EYS: variants seen among roughly 807,000 people sequenced by gnomAD.
EYS encodes the protein EGF-like photoreceptor maintenance factor.
EYS carries 250 observed loss-of-function variants against 282.1 expected under a neutral mutation model. The ratio of observed to expected loss-of-function variants is 0.89; its 90% CI spans 0.80 to 0.98. The LOEUF is 0.98. Ranked by LOEUF, EYS falls within the 50% of genes least tolerant of loss-of-function variation. The pLI is 0.00. For missense variants in EYS, 4,016 were observed against 3,709.0 expected (o/e 1.08, Z -2.15); for synonymous variants, 1,355 against 1,282.9 (o/e 1.06, Z -1.20).
At chr6:63,846,856 A>T (rs892007566) in intron 36 of EYS, among the ~76,000 whole-genome samples, 1 of 152,204 alleles carries the variant, frequency 6.6e-6, no homozygotes. Flanking sequence ...AAAAAAATTT[A>T]AAATATATTA....
At chr6:64,854,347 AC>A (rs2150043944) in intron 19 of EYS, among the ~76,000 whole-genome samples, 1 of 152,178 alleles carries the variant, frequency 6.6e-6, no homozygotes, top group Admixed American at 6.5e-5. Flanking sequence ...CTTGGAACCA[AC>A]CCAAATGTCC....
At chr6:64,617,776 T>C (rs747889433) in intron 23 of EYS, among the ~76,000 whole-genome samples, 3 of 152,176 alleles carry the variant, frequency 2.0e-5, no homozygotes, top group Non-Finnish European at 4.4e-5. Flanking sequence ...CCTAGTTAAG[T>C]ATAAATGAAA....
chr6:65,406,901 C>A (rs1413478827), intron 5 of EYS, among the ~76,000 whole-genome samples: 1 of 152,010 alleles, frequency 6.6e-6, no homozygotes, highest in Non-Finnish European at 1.5e-5. Context: ...AGTCATTCAA[C>A]CTTTCCATCT....
intron 30 of EYS, among the ~76,000 whole-genome samples, chr6:64,253,050 A>G (rs1053544224): frequency 6.6e-6 from 1 of 152,142 alleles, no homozygotes; most frequent in African/African-American, 2.4e-5. Context: ...TTTGGACCTT[A>G]TTCTTTATGT....
intron 14 of EYS, among the ~76,000 whole-genome samples, chr6:64,996,514 A>C (rs547976111): frequency 6.6e-6 from 1 of 152,268 alleles, no homozygotes; most frequent in East Asian, 1.9e-4. Context: ...GTCCACTTCT[A>C]AAGGAATCCC....
chr6:64,582,692 A>C (rs1766112671), intron 26 of EYS, among the ~76,000 whole-genome samples: 1 of 152,024 alleles, frequency 6.6e-6, no homozygotes, highest in Admixed American at 6.6e-5. Context: ...TAGAATGCAC[A>C]AAAAAGTTTG....
Position 64,524,547 on chromosome 6 carries a change from G to T in EYS, c.5644+65676C>A, listed in dbSNP as rs1197476374. ...TTGGCATCTTTGTCATGAAATCTTTGTCTGTTCCTATGTCCAGAATAGTAT... is the reference window on the plus strand; with the variant it reads ...TTGGCATCTTTGTCATGAAATCTTTTTCTGTTCCTATGTCCAGAATAGTAT... On this transcript the variant is annotated intron_variant, in intron 26 of 42. Coordinates refer to ENST00000503581, the MANE Select transcript of EYS (RefSeq NM_001142800.2). Among the ~76,000 whole-genome samples, 3 of 151,772 alleles carry T rather than the reference G, an allele frequency of 2.0e-5. No homozygotes were observed. In the Admixed American group the frequency reaches 2.0e-4, roughly 10 times the overall value.
At chr6:65,341,267 A>T (rs1043005843) in intron 10 of EYS, among the ~76,000 whole-genome samples, 22 of 151,162 alleles carry the variant, frequency 1.5e-4, no homozygotes, top group African/African-American at 4.8e-4. Context: ...AAATTGATTG[A>T]TCTTTTGAAT....
intron 31 of EYS, among the ~76,000 whole-genome samples, chr6:64,135,953 C>G (rs922977190): frequency 6.6e-6 from 1 of 151,924 alleles, no homozygotes; most frequent in Admixed American, 6.6e-5. Context: ...AATTGACTTA[C>G]AAAAGATTCC....
chr6:65,017,541 A>C (rs998324183), intron 13 of EYS, among the ~76,000 whole-genome samples: 1 of 152,194 alleles, frequency 6.6e-6, no homozygotes, highest in Non-Finnish European at 1.5e-5. Context: ...GTGAGAGTCA[A>C]TAAAGCAGCC....
chr6:63,752,967 T>A (rs1452140719), intron 41 of EYS, among the ~76,000 whole-genome samples: 7 of 151,878 alleles, frequency 4.6e-5, no homozygotes, highest in African/African-American at 1.7e-4. Flanking sequence ...GCTAGTTTTA[T>A]GTGCAGTCGT....
intron 35 of EYS, among the ~76,000 whole-genome samples, chr6:63,945,670 T>A (rs1010054580): frequency 2.6e-5 from 4 of 152,204 alleles, no homozygotes; most frequent in Non-Finnish European, 4.4e-5. Context: ...GAAATGAAAT[T>A]GTATGATGAA....
intron 31 of EYS, among the ~76,000 whole-genome samples, chr6:64,219,667 C>T (rs1766034105): frequency 6.6e-6 from 1 of 152,164 alleles, no homozygotes; most frequent in South Asian, 2.1e-4. Flanking sequence ...AAAAGTGTTC[C>T]TATTTCTCCA....
At chr6:65,692,508 A>G (rs1457267356) in intron 1 of EYS, among the ~76,000 whole-genome samples, 1 of 150,388 alleles carries the variant, frequency 6.6e-6, no homozygotes, top group Non-Finnish European at 1.5e-5. Flanking sequence ...AGATCTTTTC[A>G]TACTTGTTTC....
At chr6:65,445,940 T>C (rs931367930) in intron 5 of EYS, among the ~76,000 whole-genome samples, 2 of 151,830 alleles carry the variant, frequency 1.3e-5, no homozygotes, top group Admixed American at 1.3e-4. Flanking sequence ...TCAATAAGAT[T>C]CATGTTTACT....
intron 22 of EYS, among the ~76,000 whole-genome samples, chr6:64,758,219 G>A (rs926640416): frequency 2.0e-5 from 3 of 152,036 alleles, no homozygotes; most frequent in African/African-American, 7.2e-5. Context: ...TTGGAAGCCT[G>A]GACATTCTCC....
At chr6:64,946,341 G>A (rs1383045793) in intron 14 of EYS, among the ~76,000 whole-genome samples, 1 of 151,930 alleles carries the variant, frequency 6.6e-6, no homozygotes, top group African/African-American at 2.4e-5. Context: ...CAGATTTATT[G>A]TTACAGATAA....
intron 31 of EYS, among the ~76,000 whole-genome samples, chr6:64,187,783 C>T (rs1443840536): frequency 6.6e-6 from 1 of 151,920 alleles, no homozygotes; most frequent in Non-Finnish European, 1.5e-5. Flanking sequence ...TAGCTTTCTT[C>T]CTTTGATCTA....
At chr6:65,496,317 A>G (rs1766256546) in intron 2 of EYS, among the ~76,000 whole-genome samples, 1 of 152,144 alleles carries the variant, frequency 6.6e-6, no homozygotes, top group Non-Finnish European at 1.5e-5. Context: ...CAGCCCATCA[A>G]TTCTGTTGTT....
Sources: gnomAD v4.1 joint callset for allele counts (sites outside exome capture counted in the v4.1 genomes callset) on GRCh38, gnomAD v4.1.1 for gene constraint, MANE v1.5 for transcripts, NCBI Gene and HGNC (gene_info 2026-07-23, HGNC 2026-07-21) for gene names.